The following OLA1 variants were observed in gnomAD, a reference collection of about 807,000 sequenced individuals.
The protein encoded by OLA1 is obg-like ATPase 1.
In OLA1, 14 loss-of-function variants were observed where a neutral mutation model predicts 48.4. The observed-to-expected ratio is 0.29, with a 90% CI of 0.19 to 0.45. The LOEUF (loss-of-function observed/expected upper bound fraction) is 0.45, where lower values mean the gene tolerates loss of function less well. OLA1 is among the 20% of genes least tolerant of loss of function. OLA1 has a pLI of 1.00. For synonymous variants in OLA1, 127 were observed against 150.4 expected, an observed-to-expected ratio of 0.84 and a Z score of 1.14; for missense variants, 325 against 467.1, an observed-to-expected ratio of 0.70 and a Z score of 2.80.
chr2:174,193,411 T>C (rs1370732363), intron 4 of OLA1, among the ~76,000 whole-genome samples: 2 of 152,194 alleles, frequency 1.3e-5, no homozygotes, highest in Admixed American at 6.5e-5. Context: ...GTTTCAATGA[T>C]TGCTTTATCC....
At chr2:174,181,389 T>G (rs1040822680) in intron 4 of OLA1, among the ~76,000 whole-genome samples, 1 of 152,046 alleles carries the variant, frequency 6.6e-6, no homozygotes, top group Non-Finnish European at 1.5e-5. Flanking sequence ...AGGGACTCTG[T>G]TGTTTTGGTG....
chr2:174,154,604 T>C (rs747779295), intron 4 of OLA1, among the ~76,000 whole-genome samples: 12 of 152,158 alleles, frequency 7.9e-5, no homozygotes, highest in Non-Finnish European at 1.6e-4. Flanking sequence ...CTACCATACT[T>C]GAGTCATAGA....
chr2:174,197,840 A>G (rs1488410136), intron 4 of OLA1, among the ~76,000 whole-genome samples: 1 of 152,254 alleles, frequency 6.6e-6, no homozygotes, highest in Non-Finnish European at 1.5e-5. Context: ...TAGGTTTAAC[A>G]TCCAATTTAT....
At chr2:174,091,139 T>G (rs1204911533) in intron 7 of OLA1, among the ~76,000 whole-genome samples, 1 of 151,972 alleles carries the variant, frequency 6.6e-6, no homozygotes, top group Non-Finnish European at 1.5e-5. Context: ...GGGGAAAGAG[T>G]CTCAGCTAAT....
At chr2:174,180,960 T>C (rs968145059) in intron 4 of OLA1, among the ~76,000 whole-genome samples, 40 of 152,170 alleles carry the variant, frequency 2.6e-4, no homozygotes, top group African/African-American at 8.9e-4. Context: ...TTAGTACCTT[T>C]AGGTATTTAT....
intron 5 of OLA1, among the ~76,000 whole-genome samples, chr2:174,125,532 A>G (rs1337554888): frequency 6.6e-6 from 1 of 152,252 alleles, no homozygotes; most frequent in Non-Finnish European, 1.5e-5. Context: ...AAAGAAAGCC[A>G]AACAAAAAAT....
At chr2:174,155,921 T>C (rs1686866689) in intron 4 of OLA1, among the ~76,000 whole-genome samples, 1 of 152,208 alleles carries the variant, frequency 6.6e-6, no homozygotes, top group African/African-American at 2.4e-5. Context: ...GCACATACTC[T>C]GGAATCAGAA....
At chr2:174,245,934 T>C (rs750875793) in intron 2 of OLA1, among the ~76,000 whole-genome samples, 47 of 151,746 alleles carry the variant, frequency 3.1e-4, no homozygotes, top group Non-Finnish European at 5.4e-4. Context: ...TGCGTGTGTA[T>C]AGAGTTATGA....
At chr2:174,227,849 CA>C (rs1163397922) in intron 3 of OLA1, among the ~76,000 whole-genome samples, 1 of 151,840 alleles carries the variant, frequency 6.6e-6, no homozygotes, top group African/African-American at 2.4e-5. Context: ...ATTAATTCAT[CA>C]AAAAAATCAA....
intron 7 of OLA1, among the ~76,000 whole-genome samples, chr2:174,082,842 T>C (rs1461167398): frequency 6.6e-6 from 1 of 152,150 alleles, no homozygotes; most frequent in Non-Finnish European, 1.5e-5. Flanking sequence ...AAGTAGTAAT[T>C]AGAACATAAA....
Position 174,229,419 on chromosome 2 carries a change from C to T in OLA1, c.134G>A (p.Ser45Asn), listed in dbSNP as rs375293061. The change falls in exon 3 of 11, where the codon AGT (serine) becomes AAT (asparagine). Residue 45 changes from serine (S) to asparagine (N), a missense_variant. Transcript: ENST00000284719. ...CGGGAAGTTTTCTGCTGAAGCCTGA[C>T]TATTGGTTAACACATTGAAGAAAGT... The part of the protein sequence containing the change: ...KSTFFNVLTN[S>N]QASAENFPFC... The T allele has an allele frequency of 1.2e-6, 2 of 1,613,464 alleles. No homozygotes were observed. The highest frequency in any genetic ancestry group is 2.7e-5 in the African/African-American group (2 of 75,014).
intron 2 of OLA1, among the ~76,000 whole-genome samples, chr2:174,233,443 G>A (rs563108783): frequency 3.3e-5 from 5 of 152,164 alleles, no homozygotes; most frequent in East Asian, 1.9e-4. Flanking sequence ...TCACGATCTC[G>A]GCTTACTGCA....
intron 5 of OLA1, among the ~76,000 whole-genome samples, chr2:174,132,499 A>C (rs533023531): frequency 5.9e-5 from 9 of 152,244 alleles, no homozygotes; most frequent in Middle Eastern, 3.4e-3. Context: ...AAATGTATAG[A>C]ACTTGAGTTT....
intron 5 of OLA1, among the ~76,000 whole-genome samples, chr2:174,130,100 G>GA (rs200611609): frequency 0.011 from 1,668 of 151,802 alleles, 25 homozygotes; most frequent in South Asian, 0.064. Flanking sequence ...CGAAATTGAA[G>GA]AAAAAAAATC....
At position 174,082,035 on chromosome 2, in the gene OLA1, T is replaced by G; in HGVS notation, c.758A>C (p.Lys253Thr). Residue 253 changes from lysine to threonine, a missense_variant, in exon 8 of 11, where the codon AAG becomes ACG. Physicochemically the swap from Lys to Thr is moderately conservative, Grantham distance 78. Coordinates refer to ENST00000284719, the MANE Select transcript of OLA1 (RefSeq NM_013341.5). The stretch of plus-strand genomic sequence containing the variant: ...AATGACCAAAGCACCTGGGTCATAC[T>G]TGTCCACCCACTCTTTAATTTTTAT... ...WLIKIKEWVD[K>T]YDPGALVIPF... The G allele has an allele frequency of 5.0e-6, 8 of 1,613,448 alleles. No individual in the cohort carries two copies. Among genetic ancestry groups the G allele is most frequent in the Non-Finnish European group, 6.8e-6 (8 of 1,179,450 alleles).
At chr2:174,157,899 A>G (rs1686923114) in intron 4 of OLA1, among the ~76,000 whole-genome samples, 2 of 152,186 alleles carry the variant, frequency 1.3e-5, no homozygotes, top group African/African-American at 2.4e-5. Context: ...AAAATACACC[A>G]TTAAATGCAT....
intron 4 of OLA1, among the ~76,000 whole-genome samples, chr2:174,216,835 C>T (rs756212835): frequency 1.3e-5 from 2 of 152,178 alleles, no homozygotes; most frequent in Non-Finnish European, 2.9e-5. Context: ...CCTGAGCCAC[C>T]GCACCTGGCC....
At chr2:174,241,984 T>C (rs1181703788) in intron 2 of OLA1, among the ~76,000 whole-genome samples, 1 of 152,234 alleles carries the variant, frequency 6.6e-6, no homozygotes, top group Non-Finnish European at 1.5e-5. Context: ...AAATAAAGAC[T>C]ACATTTCCTT....
intron 7 of OLA1, among the ~76,000 whole-genome samples, chr2:174,117,902 G>C (rs1274646423): frequency 1.3e-5 from 2 of 152,086 alleles, no homozygotes; most frequent in Admixed American, 6.5e-5. Flanking sequence ...CTAAACTCCT[G>C]TATTAGTCCA....
Sources: gnomAD v4.1 joint callset for allele counts (sites outside exome capture counted in the v4.1 genomes callset) on GRCh38, gnomAD v4.1.1 for gene constraint, MANE v1.5 for transcripts, NCBI Gene and HGNC (gene_info 2026-07-23, HGNC 2026-07-21) for gene names.